Variants in ADGRE3 observed in about 807,000 individuals in gnomAD.
ADGRE3 encodes the protein adhesion G protein-coupled receptor E3.
A neutral mutation model predicts 80.1 loss-of-function variants in ADGRE3; 88 were observed. The observed-to-expected ratio is 1.10, with a 90% CI of 0.93 to 1.31. The LOEUF is 1.31. ADGRE3 is among the 40% of genes most tolerant of loss of function. The probability of loss-of-function intolerance (pLI) is 0.00; values close to 1 mark genes in which losing one functional copy is unlikely to be tolerated. For synonymous variants in ADGRE3, 281 were observed against 294.8 expected (o/e 0.95, Z 0.48); for missense variants, 715 against 776.5 (o/e 0.92, Z 0.94).
chr19:14,605,383 A>C, the ADGRE3 span, among the ~76,000 whole-genome samples: 1 of 147,912 alleles, frequency 6.8e-6, no homozygotes, highest in South Asian at 2.4e-4. Context: ...GGCATGAGCC[A>C]CCGCGCCCGG....
intron 15 of ADGRE3, 69 bp from the exon 16 acceptor site, chr19:14,619,540 A>G (rs2146784415): frequency 1.7e-6 from 2 of 1,204,464 alleles, no homozygotes; most frequent in East Asian, 2.3e-5. Context: ...AATCAACAAC[A>G]TGGAAAAACA....
intron 6 of ADGRE3, among the ~76,000 whole-genome samples, chr19:14,652,801 A>AG (rs1971645105): frequency 1.3e-5 from 2 of 151,766 alleles, no homozygotes; most frequent in Non-Finnish European, 2.9e-5. Flanking sequence ...AAAAAAAAAA[A>AG]AAGAATGACA....
At chr19:14,638,998 C>T (rs2146835473) in intron 10 of ADGRE3, among the ~76,000 whole-genome samples, 1 of 151,944 alleles carries the variant, frequency 6.6e-6, no homozygotes, top group South Asian at 2.1e-4. Context: ...AACTCTCAGG[C>T]TCAAGTGATC....
rs754529051 is a variant in ADGRE3, at chr19:14,651,190, C to T, written c.592G>A (p.Ala198Thr). 2 of 1,613,934 alleles carry T rather than the reference C, an allele frequency of 1.2e-6. No homozygotes were observed. The highest frequency in any genetic ancestry group is 1.7e-6 in the Non-Finnish European group (2 of 1,179,966). ...QNDSVAIETQ[A>T]ITDNCSEERK... ...TCTTCAGAGCAATTGTCTGTAATCG[C>T]TTGAGTTTCAATAGCTGGTAAGAAA... The change falls in exon 7 of 16, where the codon GCG becomes ACG. Residue 198 changes from alanine to threonine, a missense_variant. Coordinates refer to ENST00000253673, the MANE Select transcript of ADGRE3 (RefSeq NM_032571.5).
At chr19:14,644,477 C>T (rs1209252180) in intron 8 of ADGRE3, among the ~76,000 whole-genome samples, 1 of 152,068 alleles carries the variant, frequency 6.6e-6, no homozygotes, top group Non-Finnish European at 1.5e-5. Context: ...TGCAGTACCA[C>T]ACCAGGCTAA....
the ADGRE3 span, among the ~76,000 whole-genome samples, chr19:14,606,245 A>G: frequency 5.9e-5 from 9 of 152,114 alleles, no homozygotes; most frequent in African/African-American, 2.2e-4. Flanking sequence ...CCACAGTATG[A>G]GGCTCTGCAC....
chr19:14,656,515 A>T (rs940679575), intron 5 of ADGRE3, among the ~76,000 whole-genome samples: 1 of 152,042 alleles, frequency 6.6e-6, no homozygotes, highest in Non-Finnish European at 1.5e-5. Context: ...CGGTGTCTGA[A>T]TTATGTAGGG....
rs1335188403 is a variant in ADGRE3, at chr19:14,623,299, T to TAAAAAAATAA, written c.1920+2192_1920+2193insTTATTTTTTT. Among the ~76,000 whole-genome samples the TAAAAAAATAA allele has an allele frequency of 8.5e-3, 141 of 16,686 alleles. 44 individuals carry two copies. The highest frequency in any genetic ancestry group is 0.015 in the African/African-American group (137 of 9,042). 10.9% of individuals were successfully genotyped at this position (16,686 alleles called of 152,430 possible). ...CCTAAAATACTTAAAAAAAAAAAAATAAAAAAAAAAAAAAATAAAACTCCT... is the reference window on the plus strand; with the variant it reads ...CCTAAAATACTTAAAAAAAAAAAAATAAAAAAATAAAAAAAAAAAAAAAAATAAAACTCCT... On this transcript the variant is annotated intron_variant, in intron 15 of 15. Transcript: ENST00000253673.
At chr19:14,601,525 G>A in the ADGRE3 span, among the ~76,000 whole-genome samples, 3 of 152,194 alleles carry the variant, frequency 2.0e-5, no homozygotes, top group Middle Eastern at 3.2e-3. Context: ...CTTGCCTGGA[G>A]TCACTTACAG....
intron 8 of ADGRE3, 76 bp downstream of exon 8, chr19:14,647,105 C>A: frequency 8.0e-7 from 1 of 1,251,330 alleles, no homozygotes; most frequent in Non-Finnish European, 1.2e-6. Flanking sequence ...TCTAGAACCA[C>A]AGCCTGGGAT....
At chr19:14,603,667 T>A in the ADGRE3 span, among the ~76,000 whole-genome samples, 1 of 152,092 alleles carries the variant, frequency 6.6e-6, no homozygotes, top group African/African-American at 2.4e-5. Context: ...GGTATCATCA[T>A]GTTGGCCAGG....
At chr19:14,661,879 T>A in intron 4 of ADGRE3, 84 bp downstream of exon 4, 1 of 1,460,912 alleles carries the variant, frequency 6.8e-7, no homozygotes, top group South Asian at 1.2e-5. Flanking sequence ...AGCGAGACTC[T>A]GTCTCAAAAC....
At chr19:14,636,003 C>A in intron 11 of ADGRE3, among the ~76,000 whole-genome samples, 1 of 63,276 alleles carries the variant, frequency 1.6e-5, no homozygotes, top group South Asian at 9.0e-4. Flanking sequence ...CTCTCTCTTT[C>A]TCTTTCTTTC....
At chr19:14,615,056 AC>A (rs2075067587), downstream of ADGRE3, among the ~76,000 whole-genome samples, 1 of 151,470 alleles carries the variant, frequency 6.6e-6, no homozygotes, top group South Asian at 2.1e-4. Context: ...TGGCTAACCA[AC>A]CCCATTTTAT....
intron 4 of ADGRE3, 84 bp from the exon 5 acceptor site, chr19:14,658,634 T>C: frequency 2.4e-6 from 2 of 831,430 alleles, no homozygotes; most frequent in African/African-American, 1.7e-5. Flanking sequence ...AGTAATGGGG[T>C]GAGCAACTTT....
intron 8 of ADGRE3, among the ~76,000 whole-genome samples, chr19:14,646,774 G>A (rs1971420073): frequency 7.0e-6 from 1 of 143,400 alleles, no homozygotes; most frequent in African/African-American, 2.6e-5. Context: ...TCTCCTTACT[G>A]TTTTTCTTCT....
At position 14,641,561 on chromosome 19, in the gene ADGRE3, A is replaced by G; in HGVS notation, c.1106T>C (p.Leu369Pro). 1.2e-6 allele frequency: 2 copies of G among 1,614,218 alleles called. No homozygotes were observed. The highest frequency in any genetic ancestry group is 1.7e-6 in the Non-Finnish European group (2 of 1,180,038). Residue 369 changes from leucine to proline, a missense_variant, in exon 10 of 16, where the codon CTG (leucine) becomes CCG (proline). By Grantham distance (98) the Leu-to-Pro change is moderately conservative. Coordinates refer to ENST00000253673, the MANE Select transcript of ADGRE3 (RefSeq NM_032571.5). ...ITYVGLSVSL[L>P]CLLLAALTFL... ...AGTGAGGGCCGCCAGGAGGAGGCAC[A>G]GCAGAGAGACGCTCAGCCCCACGTA...
chr19:14,646,277 C>T (rs1352304117), intron 8 of ADGRE3, among the ~76,000 whole-genome samples: 1 of 152,162 alleles, frequency 6.6e-6, no homozygotes, highest in Non-Finnish European at 1.5e-5. Flanking sequence ...CATGTGCCAC[C>T]ATGCCCAGCT....
At chr19:14,651,425 A>G (rs1215879169) in intron 6 of ADGRE3, among the ~76,000 whole-genome samples, 1 of 152,146 alleles carries the variant, frequency 6.6e-6, no homozygotes, top group Non-Finnish European at 1.5e-5. Context: ...CATATACTGA[A>G]TGTCTAGGAT....
Sources: gnomAD v4.1 joint callset for allele counts (sites outside exome capture counted in the v4.1 genomes callset) on GRCh38, gnomAD v4.1.1 for gene constraint, MANE v1.5 for transcripts, NCBI Gene and HGNC (gene_info 2026-07-23, HGNC 2026-07-21) for gene names.